The following NUP205 variants were observed in gnomAD, a reference collection of about 807,000 sequenced individuals.
The protein encoded by NUP205 is nucleoporin 205.
In NUP205, 76 loss-of-function variants were observed where a neutral mutation model predicts 253.8. The ratio of observed to expected loss-of-function variants is 0.30; its 90% confidence interval spans 0.25 to 0.36. The LOEUF is 0.36. NUP205 is among the 10% of genes least tolerant of loss of function. NUP205 has a pLI of 1.00. For missense variants in NUP205, 2,162 were observed against 2,425.5 expected (o/e 0.89, Z 2.28); for synonymous variants, 832 against 850.1 (o/e 0.98, Z 0.37).
chr7:135,560,467 A>C (rs1376561207), intron 1 of NUP205, among the ~76,000 whole-genome samples: 1 of 152,248 alleles, frequency 6.6e-6, no homozygotes, highest in East Asian at 1.9e-4. Flanking sequence ...GCCAAGAGTC[A>C]GGAGCTGGTT....
chr7:135,627,008 C>T (rs574777941), intron 33 of NUP205, among the ~76,000 whole-genome samples: 5 of 152,188 alleles, frequency 3.3e-5, no homozygotes, highest in African/African-American at 9.6e-5. Flanking sequence ...TGTTTTACCT[C>T]CAGGGAAAAA....
intron 20 of NUP205, among the ~76,000 whole-genome samples, 165 bp from the exon 21 acceptor site, chr7:135,606,586 G>A (rs1794090432): frequency 1.3e-5 from 2 of 152,116 alleles, no homozygotes; most frequent in African/African-American, 4.8e-5. Flanking sequence ...AAATTTATAA[G>A]GTTTTTAGGA....
chr7:135,574,840 A>C (rs1309962905), intron 3 of NUP205, among the ~76,000 whole-genome samples: 1 of 152,230 alleles, frequency 6.6e-6, no homozygotes, highest in Non-Finnish European at 1.5e-5. Context: ...TGGAGGAGCC[A>C]TTTGAAGAAA....
intron 1 of NUP205, among the ~76,000 whole-genome samples, chr7:135,565,076 G>C (rs536688463): frequency 6.6e-6 from 1 of 152,168 alleles, no homozygotes; most frequent in East Asian, 1.9e-4. Flanking sequence ...GCCTATTGTA[G>C]AGTTTTGATC....
intron 1 of NUP205, among the ~76,000 whole-genome samples, chr7:135,562,325 G>A (rs1183784976): frequency 6.6e-6 from 1 of 151,720 alleles, no homozygotes; most frequent in African/African-American, 2.4e-5. Flanking sequence ...GCCTCCCTAA[G>A]TAGCTGGGAT....
intron 24 of NUP205, among the ~76,000 whole-genome samples, 189 bp downstream of exon 24, chr7:135,616,254 A>T (rs970068827): frequency 1.3e-5 from 2 of 152,200 alleles, no homozygotes; most frequent in Admixed American, 1.3e-4. Flanking sequence ...TTAAGCATCC[A>T]TATTACACTA....
In NUP205 at chr7:135,587,625, G is replaced by A. The variant is rs112048187; in HGVS notation, c.1269G>A (p.Met423Ile). Residue 423 changes from methionine to isoleucine, a missense_variant, in exon 9 of 43, where the codon ATG becomes ATA. Physicochemically the swap from Met to Ile is conservative, Grantham distance 10. Coordinates refer to ENST00000285968, the MANE Select transcript of NUP205 (RefSeq NM_015135.3). ...RADEDARMIH[M>I]SMQMGNEPPI... ...ATGAAGATGCTCGAATGATTCACAT[G>A]AGTATGCAGATGGGTAATGAACCCC... The A allele has an allele frequency of 6.2e-7, 1 of 1,610,846 alleles. No individual in the cohort carries two copies. Among genetic ancestry groups the A allele is most frequent in the South Asian group, 1.1e-5 (1 of 90,258 alleles).
chr7:135,609,274 AAAATTCAT>A (rs1310164275), intron 22 of NUP205, among the ~76,000 whole-genome samples: 189 of 152,108 alleles, frequency 1.2e-3, no homozygotes, highest in African/African-American at 4.3e-3. Context: ...TAAAAATACA[AAAATTCAT>A]CCTGACTAAC....
At chr7:135,631,385 T>C (rs1794710966) in intron 35 of NUP205, among the ~76,000 whole-genome samples, 1 of 152,202 alleles carries the variant, frequency 6.6e-6, no homozygotes, top group South Asian at 2.1e-4. Context: ...AAAAGATCAC[T>C]GCGAGTAAGG....
intron 37 of NUP205, among the ~76,000 whole-genome samples, chr7:135,638,339 C>G (rs937838458): frequency 3.3e-4 from 49 of 147,916 alleles, no homozygotes; most frequent in African/African-American, 1.1e-3. Context: ...TGCTTGAACC[C>G]AAGAGGCAGA....
At chr7:135,581,694 A>G (rs1252834529) in intron 7 of NUP205, among the ~76,000 whole-genome samples, 1 of 151,922 alleles carries the variant, frequency 6.6e-6, no homozygotes, top group African/African-American at 2.4e-5. Context: ...TCCACTAAAA[A>G]CACAAAAAAT....
At chr7:135,589,169 C>T (rs2129490192) in intron 10 of NUP205, among the ~76,000 whole-genome samples, 1 of 143,200 alleles carries the variant, frequency 7.0e-6, no homozygotes, top group South Asian at 2.3e-4. Context: ...GACCCTGACT[C>T]TTTAAAAAAA....
At chr7:135,598,299 G>A (rs1793891437) in intron 15 of NUP205, 92 bp downstream of exon 15, 1 of 1,124,830 alleles carries the variant, frequency 8.9e-7, no homozygotes, top group Middle Eastern at 2.2e-4. Flanking sequence ...GTTAGCTTTT[G>A]AAAGGTAGTA....
chr7:135,600,616 C>G (rs1793946578), intron 15 of NUP205, among the ~76,000 whole-genome samples: 1 of 152,024 alleles, frequency 6.6e-6, no homozygotes, highest in Non-Finnish European at 1.5e-5. Context: ...TAATGAATTC[C>G]AAACATCTAT....
In NUP205 at chr7:135,619,506, C is replaced by T. The variant is rs771556715; in HGVS notation, c.4047C>T (p.Ala1349=). ...VFTLTAHLSQ[A]VLTEQKETSV... ...CACTGACTGCTCACCTAAGCCAGGC[C>T]GTCCTCACTGAACAGAAGGAAACAT... Residue 1349 remains alanine, a synonymous_variant, in exon 29 of 43, where the codon GCC becomes GCT. Transcript: ENST00000285968. 5 of 1,614,032 alleles carry T rather than the reference C, an allele frequency of 3.1e-6. No homozygotes were observed. Among genetic ancestry groups the T allele is most frequent in the East Asian group, 4.5e-5 (2 of 44,874 alleles).
Position 135,618,462 on chromosome 7 carries a change from G to C in NUP205, c.3822G>C (p.Gln1274His). The C allele has an allele frequency of 6.2e-7, 1 of 1,614,112 alleles. No individual in the cohort carries two copies. The highest frequency in any genetic ancestry group is 8.5e-7 in the Non-Finnish European group (1 of 1,180,010). Residue 1274 changes from glutamine to histidine, a missense_variant, in exon 28 of 43, where the codon CAG becomes CAC. Physicochemically the swap from Gln to His is conservative, Grantham distance 24 (BLOSUM62 0). Coordinates refer to ENST00000285968, the MANE Select transcript of NUP205 (RefSeq NM_015135.3). ...QYVVGRNKLL[Q>H]CLHAKRHALE... ...TGGTAGGAAGAAATAAATTGCTGCA[G>C]TGTCTTCATGCAAAACGTCATGCTC...
intron 7 of NUP205, 39 bp downstream of exon 7, chr7:135,578,954 A>G (rs1806228235): frequency 6.6e-7 from 1 of 1,508,968 alleles, no homozygotes; most frequent in Admixed American, 2.2e-5. Context: ...GAGAAACAGC[A>G]TGTTAGCACT....
Position 135,604,461 on chromosome 7 carries a change from G to C in NUP205, c.2823+1G>C. 6.3e-7 allele frequency: 1 copy of C among 1,598,060 alleles called. No individual in the cohort carries two copies. The highest frequency in any genetic ancestry group is 8.5e-7 in the Non-Finnish European group (1 of 1,175,594). ...GGTTGGAGATTTCACACATGACCAG[G>C]TAACTGATTTTGTTGCTCTTGTTAT... On this transcript the variant is annotated splice_donor_variant, in intron 19 of 42. Coordinates refer to ENST00000285968, the MANE Select transcript of NUP205 (RefSeq NM_015135.3). LOFTEE classifies it high-confidence loss of function.
intron 1 of NUP205, among the ~76,000 whole-genome samples, chr7:135,565,855 A>G (rs1290583082): frequency 2.0e-5 from 3 of 152,190 alleles, no homozygotes; most frequent in African/African-American, 4.8e-5. Context: ...GAAAAATTCC[A>G]TCATGGCCCT....
Sources: gnomAD v4.1 joint callset for allele counts (sites outside exome capture counted in the v4.1 genomes callset) on GRCh38, gnomAD v4.1.1 for gene constraint, MANE v1.5 for transcripts, NCBI Gene and HGNC (gene_info 2026-07-23, HGNC 2026-07-21) for gene names.